Variants in IKBKB-DT observed in about 807,000 individuals in gnomAD.
IKBKB-DT encodes IKBKB divergent transcript, also known as IKBKB antisense RNA.
At position 42,241,537 on chromosome 8, in the gene IKBKB-DT, T is replaced by C. The variant is rs528362799; in HGVS notation, n.1530-7678A>G. On this transcript the variant is annotated intron_variant and non_coding_transcript_variant, in intron 3 of 3. Coordinates refer to ENST00000518213, the Ensembl canonical transcript of IKBKB-DT. ...AACAAGGAATTTTCCACTAAAAAAATACTAATCACAGCAAGAACCAGGAAG... is the reference window on the plus strand; with the variant it reads ...AACAAGGAATTTTCCACTAAAAAAACACTAATCACAGCAAGAACCAGGAAG... Among the ~76,000 whole-genome samples the C allele has an allele frequency of 2.0e-5, 3 of 152,264 alleles. No homozygotes were observed. The South Asian group carries it at 6.2e-4, about 32-fold the overall frequency.
chr8:42,248,416 T>C (rs965444808), intron 3 of IKBKB-DT, among the ~76,000 whole-genome samples: 4 of 152,150 alleles, frequency 2.6e-5, no homozygotes, highest in Admixed American at 6.6e-5. Flanking sequence ...GCCAAGCAGC[T>C]GTACAGTGCA....
At chr8:42,252,633 C>T (rs114077573) in intron 3 of IKBKB-DT, among the ~76,000 whole-genome samples, 2,686 of 152,312 alleles carry the variant, frequency 0.018, 73 homozygotes, top group African/African-American at 0.061. Context: ...TCCCAATGTG[C>T]TGGGATTACA....
intron 3 of IKBKB-DT, among the ~76,000 whole-genome samples, chr8:42,235,924 A>G (rs961777797): frequency 6.6e-6 from 1 of 151,972 alleles, no homozygotes; most frequent in African/African-American, 2.4e-5. Flanking sequence ...CTGTTGAGGC[A>G]GGAGGATTGC....
At chr8:42,245,337 G>A (rs1189918541) in intron 3 of IKBKB-DT, among the ~76,000 whole-genome samples, 1 of 152,182 alleles carries the variant, frequency 6.6e-6, no homozygotes, top group Non-Finnish European at 1.5e-5. Flanking sequence ...TCACCCCCAT[G>A]TCTCCAATGA....
chr8:42,236,059 G>A (rs1276187425), intron 3 of IKBKB-DT, among the ~76,000 whole-genome samples: 2 of 151,530 alleles, frequency 1.3e-5, no homozygotes, highest in Non-Finnish European at 2.9e-5. Flanking sequence ...CAAAAAACTA[G>A]AATTATGACT....
Position 42,241,224 on chromosome 8 carries a change from C to CTTTTTTTTTTTTTTTTTTTTTT in IKBKB-DT, n.1530-7387_1530-7366dup, listed in dbSNP as rs773177896. ...TTGATGCCTTTAGATATGTTGGAATCTTTTTTTTTTTTTTTTTTTTTTTTT... is the reference window on the plus strand; with the variant it reads ...TTGATGCCTTTAGATATGTTGGAATCTTTTTTTTTTTTTTTTTTTTTTTTTTTTTTTTTTTTTTTTTTTTTTT... On this transcript the variant is annotated intron_variant and non_coding_transcript_variant, in intron 3 of 3. Transcript: ENST00000518213. 2.6e-4 allele frequency among the ~76,000 whole-genome samples: 12 copies of CTTTTTTTTTTTTTTTTTTTTTT among 45,694 alleles called. 3 individuals carry two copies. The highest frequency in any genetic ancestry group is 3.0e-3 in the East Asian group (2 of 674). 30.0% of individuals were successfully genotyped at this position (45,694 alleles called of 152,430 possible).
intron 3 of IKBKB-DT, among the ~76,000 whole-genome samples, chr8:42,240,823 A>G (rs899334035): frequency 1.3e-5 from 2 of 151,444 alleles, no homozygotes; most frequent in Admixed American, 1.3e-4. Flanking sequence ...AAAAATACAA[A>G]CATTAGCCAG....
chr8:42,251,209 G>C (rs1298132174), intron 3 of IKBKB-DT, among the ~76,000 whole-genome samples: 3 of 152,210 alleles, frequency 2.0e-5, no homozygotes, highest in East Asian at 1.9e-4. Context: ...TGCAGAAAGG[G>C]TGCTCACTCA....
chr8:42,247,980 C>A (rs912658469), intron 3 of IKBKB-DT, among the ~76,000 whole-genome samples: 1 of 151,814 alleles, frequency 6.6e-6, no homozygotes, highest in African/African-American at 2.4e-5. Flanking sequence ...CTAATCCCAG[C>A]TACTCAGGAG....
intron 3 of IKBKB-DT, among the ~76,000 whole-genome samples, chr8:42,247,040 T>A (rs1807073097): frequency 6.6e-6 from 1 of 152,162 alleles, no homozygotes; most frequent in African/African-American, 2.4e-5. Context: ...CTAGTGAAGC[T>A]ATGAGAAGAC....
In IKBKB-DT at chr8:42,239,212, T is replaced by C. The variant is rs556221255; in HGVS notation, n.1530-5353A>G. Reference sequence around the variant, plus strand: ...ATCAATCAAAAAACACTCATCACAGTTCCTTTGGCTGGAGGCTTTATGTCA... The same window carrying C: ...ATCAATCAAAAAACACTCATCACAGCTCCTTTGGCTGGAGGCTTTATGTCA... On this transcript the variant is annotated intron_variant and non_coding_transcript_variant, in intron 3 of 3. Transcript: ENST00000518213. 2.0e-5 allele frequency among the ~76,000 whole-genome samples: 3 copies of C among 152,200 alleles called. No individual in the cohort carries two copies. In the East Asian group the frequency reaches 5.8e-4, roughly 30 times the overall value.
chr8:42,258,816 A>G (rs1257440653), intron 3 of IKBKB-DT, among the ~76,000 whole-genome samples: 2 of 151,898 alleles, frequency 1.3e-5, no homozygotes, highest in Non-Finnish European at 2.9e-5. Context: ...TTCCTTGCAT[A>G]CAAGTTTTGT....
At chr8:42,266,981 CT>C (rs1311155009) in intron 1 of IKBKB-DT, among the ~76,000 whole-genome samples, 3 of 149,742 alleles carry the variant, frequency 2.0e-5, no homozygotes, top group Non-Finnish European at 4.4e-5. Context: ...CCTTTACCTT[CT>C]TTTTTTGTTT....
chr8:42,250,143 A>C (rs544566846), intron 3 of IKBKB-DT, among the ~76,000 whole-genome samples: 1 of 152,100 alleles, frequency 6.6e-6, no homozygotes, highest in South Asian at 2.1e-4. Context: ...AGGGTTTTTC[A>C]AAGGTAGTTT....
chr8:42,257,445 G>A (rs906496327), intron 3 of IKBKB-DT, among the ~76,000 whole-genome samples: 1 of 151,462 alleles, frequency 6.6e-6, no homozygotes, highest in Non-Finnish European at 1.5e-5. Flanking sequence ...AGGTTACAGT[G>A]AGCCAAGATC....
At position 42,256,546 on chromosome 8, in the gene IKBKB-DT, T is replaced by C. The variant is rs373446002; in HGVS notation, n.1529+6783A>G. On this transcript the variant is annotated intron_variant and non_coding_transcript_variant, in intron 3 of 3. Transcript: ENST00000518213. The stretch of plus-strand genomic sequence containing the variant: ...AAGATTGTGCCATTGCACTCCAACC[T>C]GGGCAACAAGAGCAAAACTCCATCT... Among the ~76,000 whole-genome samples the C allele has an allele frequency of 2.4e-4, 36 of 152,244 alleles. No individual in the cohort carries two copies. In the East Asian group the frequency reaches 5.2e-3, roughly 22 times the overall value.
chr8:42,256,967 T>C (rs6474383), intron 3 of IKBKB-DT, among the ~76,000 whole-genome samples: 20,405 of 152,128 alleles, frequency 0.13, 3,058 homozygotes, highest in African/African-American at 0.37. Flanking sequence ...CTTCAAATGG[T>C]CATGGTTAAA....
chr8:42,234,731 G>A lies in IKBKB-DT; in HGVS notation n.1530-872C>T, dbSNP rs1806895281. Among the ~76,000 whole-genome samples the A allele has an allele frequency of 1.3e-5, 2 of 152,088 alleles. 1 individual carries two copies. The highest frequency in any genetic ancestry group is 2.9e-5 in the Non-Finnish European group (2 of 68,018). On this transcript the variant is annotated intron_variant and non_coding_transcript_variant, in intron 3 of 3. Transcript: ENST00000518213. ...TGCAACCTCCACCTCCCAAGTTCAA[G>A]CAATTTTCGTGCCTCAGCCTCCCAA...
At chr8:42,248,695 A>G (rs1195741021) in intron 3 of IKBKB-DT, among the ~76,000 whole-genome samples, 1 of 152,062 alleles carries the variant, frequency 6.6e-6, no homozygotes, top group Non-Finnish European at 1.5e-5. Flanking sequence ...CCTGGCCAAC[A>G]TGGTGAAACC....
Sources: gnomAD v4.1 joint callset for allele counts (sites outside exome capture counted in the v4.1 genomes callset) on GRCh38, gnomAD v4.1.1 for gene constraint, MANE v1.5 for transcripts, NCBI Gene and HGNC (gene_info 2026-07-23, HGNC 2026-07-21) for gene names.